UGT1A10: variants seen among roughly 807,000 people sequenced by gnomAD.
The protein encoded by UGT1A10 is UDP glucuronosyltransferase family 1 member A10.
Under a neutral mutation model 45.8 loss-of-function variants are expected in UGT1A10, and 49 were observed. That is an observed-to-expected ratio of 1.07 (90% CI 0.85 to 1.36). The LOEUF is 1.36. Ranked by LOEUF, UGT1A10 falls within the 40% of genes most tolerant of loss-of-function variation. The pLI, the probability that UGT1A10 is intolerant of heterozygous loss-of-function variation, is 0.00. For missense variants in UGT1A10, 745 were observed against 668.6 expected (o/e 1.11, Z -1.26); for synonymous variants, 284 against 249.7 (o/e 1.14, Z -1.29).
At chr2:233,719,060 T>C in intron 1 of UGT1A10, 1 of 1,614,258 alleles carries the variant, frequency 6.2e-7, no homozygotes, top group East Asian at 2.2e-5. Flanking sequence ...TGACAGCCTA[T>C]GCTGTTCCAT....
At chr2:233,733,206 G>C (rs1439179922) in intron 1 of UGT1A10, among the ~76,000 whole-genome samples, 1 of 152,146 alleles carries the variant, frequency 6.6e-6, no homozygotes, top group Non-Finnish European at 1.5e-5. Context: ...AGGAGACTTT[G>C]GGCTGAGACA....
chr2:233,647,123 C>G (rs541916340), intron 1 of UGT1A10, among the ~76,000 whole-genome samples: 1 of 152,238 alleles, frequency 6.6e-6, no homozygotes, highest in Admixed American at 6.5e-5. Context: ...CACCAGATCT[C>G]GTGAGACTTA....
chr2:233,757,535 A>AATAAATATACATATACATATAT (rs1553619837), intron 1 of UGT1A10, among the ~76,000 whole-genome samples: 4 of 88,306 alleles, frequency 4.5e-5, no homozygotes, highest in African/African-American at 2.0e-4. Flanking sequence ...GCCTGTAAGG[A>AATAAATATACATATACATATAT]ATATATATAT....
intron 1 of UGT1A10, among the ~76,000 whole-genome samples, chr2:233,663,360 A>G (rs1350766423): frequency 6.6e-6 from 1 of 152,214 alleles, no homozygotes; most frequent in Non-Finnish European, 1.5e-5. Flanking sequence ...GGGGGAATCC[A>G]GTAATCCAGG....
chr2:233,739,074 T>A (rs1271021354), intron 1 of UGT1A10: 1 of 152,242 alleles, frequency 6.6e-6, no homozygotes, highest in Non-Finnish European at 1.5e-5. Flanking sequence ...GGTGCAAACC[T>A]CAAGCCTTGG....
intron 1 of UGT1A10, chr2:233,760,792 G>C (rs1185395607): frequency 6.2e-7 from 1 of 1,613,510 alleles, no homozygotes. Flanking sequence ...TCTGCCCACT[G>C]TATTCTTCTT....
chr2:233,638,876 C>T (rs1032057992), intron 1 of UGT1A10, among the ~76,000 whole-genome samples: 4 of 152,208 alleles, frequency 2.6e-5, no homozygotes, highest in African/African-American at 9.6e-5. Flanking sequence ...TGACTTTCAG[C>T]TCATGGCAAG....
chr2:233,691,367 A>T (rs1469452115), intron 1 of UGT1A10: 1 of 985,382 alleles, frequency 1.0e-6, no homozygotes, highest in Non-Finnish European at 1.2e-6. Context: ...ATGAATTTGC[A>T]TCCTGGTTAT....
At chr2:233,720,323 T>C (rs1157201210) in intron 1 of UGT1A10, among the ~76,000 whole-genome samples, 1 of 152,090 alleles carries the variant, frequency 6.6e-6, no homozygotes, top group Non-Finnish European at 1.5e-5. Flanking sequence ...TGTGGGGACA[T>C]CGTAGAGTTT....
At chr2:233,718,929 G>C in intron 1 of UGT1A10, 1 of 1,614,160 alleles carries the variant, frequency 6.2e-7, no homozygotes, top group Non-Finnish European at 8.5e-7. Context: ...GGTGCCCACT[G>C]ATGGCAGCCC....
intron 1 of UGT1A10, chr2:233,760,273 A>G (rs113386420): frequency 2.5e-6 from 4 of 1,612,532 alleles, no homozygotes; most frequent in Admixed American, 1.7e-5. Flanking sequence ...AACCTCTGGC[A>G]GGAGCAAAGG....
At position 233,754,406 on chromosome 2, in the gene UGT1A10, A is replaced by G. The variant is rs1695474785; in HGVS notation, c.856-12628A>G. The G allele has an allele frequency of 8.8e-6, 3 of 341,438 alleles. No individual in the cohort carries two copies. The Admixed American group carries it at 1.2e-4, about 14-fold the overall frequency. The allele number at this position is 341,438 out of a possible 1,614,324, so 21.2% of individuals were successfully genotyped here. A position where few individuals can be genotyped will look rare whatever the true frequency, so the allele number is the denominator to read the frequency against. ...ACAGAGGTCCTATCCGTGCAGTCCC[A>G]ACAATAAAGACAGGCATTGGCATAA... On this transcript the variant is annotated intron_variant, in intron 1 of 4. Transcript: ENST00000344644.
chr2:233,710,696 G>A (rs2076143599), intron 1 of UGT1A10, among the ~76,000 whole-genome samples: 1 of 152,172 alleles, frequency 6.6e-6, no homozygotes, highest in South Asian at 2.1e-4. Context: ...CTTCTGGTGT[G>A]TGGTGTCCTT....
intron 1 of UGT1A10, chr2:233,692,923 A>G: frequency 6.4e-7 from 1 of 1,573,424 alleles, no homozygotes; most frequent in Non-Finnish European, 8.6e-7. Flanking sequence ...AGCAGTGGTT[A>G]GTTTAGGGAA....
Position 233,637,087 on chromosome 2 carries a change from T to G in UGT1A10, c.565T>G (p.Tyr189Asp), listed in dbSNP as rs138189938. Reference protein sequence around the residue: ...EGAQCPAPLSYVPNDLLGFSD... With the variant: ...EGAQCPAPLSDVPNDLLGFSD... ...TGCACAGTGCCCTGCTCCTCTTTCC[T>G]ATGTCCCCAATGATCTCTTAGGGTT... is the stretch of plus-strand genomic sequence containing the variant. The change falls in exon 1 of 5, where the codon TAT becomes GAT. Residue 189 changes from tyrosine (Y) to aspartate (D), a missense_variant. Coordinates refer to ENST00000344644, the MANE Select transcript of UGT1A10 (RefSeq NM_019075.4). The G allele has an allele frequency of 9.3e-6, 15 of 1,613,964 alleles. No homozygotes were observed. In the South Asian group the frequency reaches 1.6e-4, roughly 18 times the overall value.
intron 1 of UGT1A10, among the ~76,000 whole-genome samples, chr2:233,716,209 T>C (rs1427806327): frequency 6.6e-6 from 1 of 152,234 alleles, no homozygotes; most frequent in Non-Finnish European, 1.5e-5. Flanking sequence ...TCTCTTTCAC[T>C]TGCAAGAGCC....
chr2:233,660,740 G>A (rs146144815), intron 1 of UGT1A10, among the ~76,000 whole-genome samples: 13 of 152,198 alleles, frequency 8.5e-5, no homozygotes, highest in African/African-American at 2.4e-4. Context: ...GTCTTTTGTG[G>A]CATTTTTTTT....
At chr2:233,708,553 AC>A (rs1349773245) in intron 1 of UGT1A10, 9 of 152,176 alleles carry the variant, frequency 5.9e-5, no homozygotes. Flanking sequence ...GGAGTTTGAG[AC>A]CAGCCTAGGC....
intron 1 of UGT1A10, chr2:233,756,085 A>G (rs75115933): frequency 6.6e-6 from 1 of 152,236 alleles, no homozygotes; most frequent in Non-Finnish European, 1.5e-5. Flanking sequence ...TGAGAAAATC[A>G]AGTAACATTA....
Sources: allele counts gnomAD v4.1 joint callset (sites outside exome capture counted in the v4.1 genomes callset), GRCh38; gene constraint gnomAD v4.1.1; transcripts MANE v1.5; gene names NCBI Gene and HGNC (gene_info 2026-07-23, HGNC 2026-07-21).